The following TRIM36 variants were observed in gnomAD, a reference collection of about 807,000 sequenced individuals.
TRIM36 encodes the protein E3 ubiquitin-protein ligase TRIM36.
A neutral mutation model predicts 72.4 loss-of-function variants in TRIM36; 42 were observed. The observed-to-expected ratio is 0.58, with a 90% CI of 0.45 to 0.75. The LOEUF (loss-of-function observed/expected upper bound fraction) is 0.75. Ranked by LOEUF, TRIM36 falls within the 30% of genes least tolerant of loss-of-function variation. The pLI is 0.00. For missense variants in TRIM36, 913 were observed against 857.1 expected (o/e 1.07, Z -0.81); for synonymous variants, 315 against 282.8 (o/e 1.11, Z -1.14).
chr5:115,147,362 T>G lies in TRIM36; in HGVS notation c.295A>C (p.Thr99Pro). The G allele has an allele frequency of 6.2e-7, 1 of 1,613,266 alleles. No individual in the cohort carries two copies. The highest frequency in any genetic ancestry group is 2.2e-5 in the East Asian group (1 of 44,872). ...TCACAGCCAGGGCAAGGGAAAACAG[T>G]TGTCCTCGGGGTCAATGAATTGCGC... ...WKRNSLTPRT[T>P]VFPCPGCEHD... Residue 99 changes from threonine (T) to proline (P), a missense_variant, in exon 3 of 10, where the codon ACT (threonine) becomes CCT (proline). Thr to Pro is a conservative substitution (Grantham distance 38, BLOSUM62 -1). Transcript: ENST00000513154.
upstream of TRIM36, chr5:115,171,132 T>C: frequency 1.9e-6 from 3 of 1,614,238 alleles, no homozygotes; most frequent in Non-Finnish European, 2.5e-6. Flanking sequence ...CCACTTTTAT[T>C]TCCTGTTTGG....
intron 9 of TRIM36, among the ~76,000 whole-genome samples, chr5:115,130,201 C>T (rs1752601213): frequency 6.6e-6 from 1 of 152,158 alleles, no homozygotes; most frequent in Admixed American, 6.5e-5. Context: ...TTGAAAAGGA[C>T]TTATGGGAAA....
At chr5:115,160,298 C>T (rs1754412529) in intron 2 of TRIM36, among the ~76,000 whole-genome samples, 1 of 152,050 alleles carries the variant, frequency 6.6e-6, no homozygotes, top group Non-Finnish European at 1.5e-5. Context: ...TTCCAGTAGC[C>T]ATATTAAAAA....
upstream of TRIM36, chr5:115,180,249 G>C: frequency 2.0e-6 from 1 of 495,044 alleles, no homozygotes; most frequent in Non-Finnish European, 3.6e-6. Flanking sequence ...CGCCCGGCTT[G>C]CTAGGATCCG....
chr5:115,155,345 G>A lies in TRIM36; in HGVS notation c.263-7951C>T, dbSNP rs145639415. Reference sequence around the variant, plus strand: ...CCTGGGCAACAAAGAGCGAAACTCCGTCTCAAAAATAAAAATAAAAATAAA... The same window carrying A: ...CCTGGGCAACAAAGAGCGAAACTCCATCTCAAAAATAAAAATAAAAATAAA... On this transcript the variant is annotated intron_variant, in intron 2 of 9. Transcript: ENST00000513154. Among the ~76,000 whole-genome samples, 758 of 152,182 alleles carry A rather than the reference G, an allele frequency of 5.0e-3. 3 individuals are homozygous for A. Among genetic ancestry groups the A allele is most frequent in the African/African-American group, 0.017 (704 of 41,516 alleles).
chr5:115,147,684 G>A lies in TRIM36; in HGVS notation c.263-290C>T, dbSNP rs1006540662. Among the ~76,000 whole-genome samples, 7 of 152,124 alleles carry A rather than the reference G, an allele frequency of 4.6e-5. No homozygotes were observed. In the South Asian group the frequency reaches 8.3e-4, roughly 18 times the overall value. ...AAACATAGATATAAAGATAAAACAC[G>A]TAATACAATACTACATGGCGTTAAG... On this transcript the variant is annotated intron_variant, in intron 2 of 9. Coordinates refer to ENST00000513154, the MANE Select transcript of TRIM36 (RefSeq NM_001300759.2).
chr5:115,128,848 G>C (rs911144366), intron 9 of TRIM36, among the ~76,000 whole-genome samples: 2 of 147,306 alleles, frequency 1.4e-5, no homozygotes, highest in African/African-American at 2.5e-5. Flanking sequence ...AATAAATTTA[G>C]TGCAGCCTAA....
chr5:115,168,714 C>T (rs1247771821), intron 1 of TRIM36, among the ~76,000 whole-genome samples: 1 of 152,194 alleles, frequency 6.6e-6, no homozygotes, highest in Non-Finnish European at 1.5e-5. Context: ...AACTAAACCT[C>T]ACAATTCACA....
chr5:115,178,327 C>T (rs1755439675), intron 1 of TRIM36, among the ~76,000 whole-genome samples: 1 of 152,158 alleles, frequency 6.6e-6, no homozygotes, highest in African/African-American at 2.4e-5. Context: ...CATTCTTTTT[C>T]CTCCCTGCCC....
At chr5:115,170,082 G>A, upstream of TRIM36, 4 of 636,638 alleles carry the variant, frequency 6.3e-6, no homozygotes, top group Non-Finnish European at 7.9e-6. Context: ...CTGGGCGTGG[G>A]TGTGGCACGC....
intron 1 of TRIM36, among the ~76,000 whole-genome samples, chr5:115,178,212 G>A (rs186240094): frequency 6.6e-6 from 1 of 152,108 alleles, no homozygotes; most frequent in African/African-American, 2.4e-5. Context: ...TACAATTCTG[G>A]CTTACTTTGA....
chr5:115,168,177 G>T (rs917359012), intron 1 of TRIM36, among the ~76,000 whole-genome samples: 5 of 152,138 alleles, frequency 3.3e-5, no homozygotes, highest in African/African-American at 1.2e-4. Flanking sequence ...AACCATAACA[G>T]AATATTAAAA....
At chr5:115,149,545 C>T (rs1358000739) in intron 2 of TRIM36, 1 of 117,730 alleles carries the variant, frequency 8.5e-6, no homozygotes, top group African/African-American at 3.5e-5. Context: ...CTGGTGACAC[C>T]CAGAATTGGG....
At chr5:115,146,942 T>C in intron 3 of TRIM36, 127 bp downstream of exon 3, 1 of 1,040,380 alleles carries the variant, frequency 9.6e-7, no homozygotes, top group Non-Finnish European at 1.4e-6. Flanking sequence ...TTCTTATACC[T>C]GCTTTTAAAG....
intron 5 of TRIM36, among the ~76,000 whole-genome samples, chr5:115,139,770 C>T (rs1296203253): frequency 3.3e-5 from 5 of 152,162 alleles, no homozygotes; most frequent in Non-Finnish European, 5.9e-5. Context: ...GCTACAGATA[C>T]AACTTAGGCA....
chr5:115,126,425 T>C lies in TRIM36; in HGVS notation c.*78A>G. On this transcript the variant is annotated 3_prime_UTR_variant, in exon 10 of 10. Coordinates refer to ENST00000513154, the MANE Select transcript of TRIM36 (RefSeq NM_001300759.2). ...TGGGGTGACAGAACACTCAGCGATA[T>C]GTAATTAGTTACGAAGGTTAACGCT... The C allele has an allele frequency of 8.9e-7, 1 of 1,127,508 alleles. No individual in the cohort carries two copies. The highest frequency in any genetic ancestry group is 1.2e-6 in the Non-Finnish European group (1 of 800,194). The allele number at this position is 1,127,508 out of a possible 1,614,324, so 69.8% of individuals were successfully genotyped here. A position where few individuals can be genotyped will look rare whatever the true frequency, so the allele number is the denominator to read the frequency against.
chr5:115,158,383 A>G (rs902300857), intron 2 of TRIM36, among the ~76,000 whole-genome samples: 1 of 152,262 alleles, frequency 6.6e-6, no homozygotes, highest in Non-Finnish European at 1.5e-5. Context: ...TAAAAAAGTC[A>G]GCTTTCAGTC....
intron 1 of TRIM36, among the ~76,000 whole-genome samples, chr5:115,179,764 T>A (rs909860189): frequency 3.3e-5 from 5 of 152,256 alleles, no homozygotes. Flanking sequence ...AAGTCCCCTC[T>A]TGGCTTATTT....
Position 115,133,328 on chromosome 5 carries a change from T to G in TRIM36, c.1498+532A>C, listed in dbSNP as rs186353307. ...ACTTGGGAAGGGAGGGGGCGATGAC[T>G]GGGCATAAGGAGCTTTTAGCGTGGG... On this transcript the variant is annotated intron_variant, in intron 8 of 9. Coordinates refer to ENST00000513154, the MANE Select transcript of TRIM36 (RefSeq NM_001300759.2). Among the ~76,000 whole-genome samples the G allele has an allele frequency of 3.6e-3, 546 of 152,274 alleles. 4 individuals are homozygous for G. Among genetic ancestry groups the G allele is most frequent in the African/African-American group, 0.013 (520 of 41,572 alleles).
Sources: allele counts gnomAD v4.1 joint callset (sites outside exome capture counted in the v4.1 genomes callset), GRCh38; gene constraint gnomAD v4.1.1; transcripts MANE v1.5; gene names NCBI Gene and HGNC (gene_info 2026-07-23, HGNC 2026-07-21).